Variants in SOAT1 observed in about 807,000 individuals in gnomAD.
SOAT1 encodes sterol O-acyltransferase 1, also known as acyl-coenzyme A:cholesterol acyltransferase 1.
SOAT1 carries 55 observed loss-of-function variants against 69.5 expected under a neutral mutation model. That is an observed-to-expected ratio of 0.79 (90% CI 0.64 to 0.99). The LOEUF (loss-of-function observed/expected upper bound fraction) is 0.99, where lower values mean the gene tolerates loss of function less well. Ranked by LOEUF, SOAT1 falls within the 50% of genes least tolerant of loss-of-function variation. The pLI is 0.00. For missense variants in SOAT1, 580 were observed against 669.3 expected, an observed-to-expected ratio of 0.87 and a Z score of 1.47; for synonymous variants, 231 against 224.7, an observed-to-expected ratio of 1.03 and a Z score of -0.25.
Position 179,342,198 on chromosome 1 carries a change from T to G in SOAT1, c.859+6T>G. ...TTCAGCTAAGGAGAAATCAAGTATG[T>G]AATTTCTTTTGTTCATTATTTCTTC... On this transcript the variant is annotated splice_donor_region_variant and intron_variant, in intron 8 of 15. Coordinates refer to ENST00000367619, the MANE Select transcript of SOAT1 (RefSeq NM_003101.6). 1 of 1,607,664 alleles carries G rather than the reference T, an allele frequency of 6.2e-7. No individual in the cohort carries two copies. The highest frequency in any genetic ancestry group is 8.5e-7 in the Non-Finnish European group (1 of 1,175,156).
chr1:179,297,942 C>T (rs373888332), intron 1 of SOAT1, among the ~76,000 whole-genome samples: 54 of 148,388 alleles, frequency 3.6e-4, no homozygotes, highest in African/African-American at 1.3e-3. Flanking sequence ...GCGGAGGTTG[C>T]GGTGAGCTGA....
chr1:179,327,551 G>A (rs547601033), intron 3 of SOAT1, among the ~76,000 whole-genome samples: 2 of 152,280 alleles, frequency 1.3e-5, no homozygotes, highest in East Asian at 1.9e-4. Flanking sequence ...AATACAGTAC[G>A]TCCAGTCGAA....
In SOAT1 at chr1:179,302,816, T is replaced by A. The variant is rs779392433; in HGVS notation, c.118+14T>A. The A allele has an allele frequency of 6.7e-7, 1 of 1,482,612 alleles. No homozygotes were observed. The highest frequency in any genetic ancestry group is 1.4e-5 in the African/African-American group (1 of 70,470). The allele number at this position is 1,482,612 out of a possible 1,614,324, so 91.8% of individuals were successfully genotyped here. A position where few individuals can be genotyped will look rare whatever the true frequency, so the allele number is the denominator to read the frequency against. On this transcript the variant is annotated intron_variant, in intron 2 of 15. Coordinates refer to ENST00000367619, the MANE Select transcript of SOAT1 (RefSeq NM_003101.6). ...CACCTAGTAATGGTGAGGCTTAATT[T>A]TTTTTTTTTAGGTGAATTAGTGAAA...
intron 9 of SOAT1, 104 bp from the exon 10 acceptor site, chr1:179,343,486 G>T: frequency 1.1e-6 from 1 of 900,370 alleles, no homozygotes. Flanking sequence ...TTGGATTACA[G>T]GTGTGAGCCA....
At chr1:179,340,344 T>C (rs1666291121) in intron 6 of SOAT1, among the ~76,000 whole-genome samples, 1 of 152,062 alleles carries the variant, frequency 6.6e-6, no homozygotes, top group African/African-American at 2.4e-5. Context: ...TAGCTGGGCG[T>C]GGTGGCAGAC....
At chr1:179,308,181 A>G (rs1275001517) in intron 2 of SOAT1, among the ~76,000 whole-genome samples, 1 of 152,186 alleles carries the variant, frequency 6.6e-6, no homozygotes, top group Non-Finnish European at 1.5e-5. Flanking sequence ...ATATCAACTG[A>G]GAATTATAAT....
chr1:179,308,522 A>G (rs1263588913), intron 2 of SOAT1, among the ~76,000 whole-genome samples: 1 of 151,950 alleles, frequency 6.6e-6, no homozygotes, highest in Admixed American at 6.6e-5. Flanking sequence ...AAATACAAAA[A>G]TCAGCTGGGC....
intron 2 of SOAT1, among the ~76,000 whole-genome samples, chr1:179,306,219 G>C (rs764347138): frequency 6.6e-6 from 1 of 152,124 alleles, no homozygotes; most frequent in Non-Finnish European, 1.5e-5. Flanking sequence ...AGAAGATAAG[G>C]CTCCAACAGC....
intron 13 of SOAT1, among the ~76,000 whole-genome samples, chr1:179,349,184 T>TA (rs1391990464): frequency 6.6e-6 from 1 of 152,168 alleles, no homozygotes; most frequent in Non-Finnish European, 1.5e-5. Flanking sequence ...AATTTTATCT[T>TA]ACATAACAAA....
At chr1:179,339,980 T>G (rs1666279473) in intron 6 of SOAT1, among the ~76,000 whole-genome samples, 1 of 152,160 alleles carries the variant, frequency 6.6e-6, no homozygotes, top group Non-Finnish European at 1.5e-5. Context: ...GAATGGCAGA[T>G]TTTTCATATC....
At chr1:179,351,266 A>G in intron 14 of SOAT1, 51 bp from the exon 15 acceptor site, 1 of 1,558,658 alleles carries the variant, frequency 6.4e-7, no homozygotes, top group Non-Finnish European at 8.8e-7. Flanking sequence ...CTGGTCTCGA[A>G]CTTCTGACCT....
rs756325808 is a variant in SOAT1, at chr1:179,323,315, T to C, written c.119-122T>C. 10 of 702,640 alleles carry C rather than the reference T, an allele frequency of 1.4e-5. No individual in the cohort carries two copies. The East Asian group carries it at 1.9e-4, about 14-fold the overall frequency. 43.5% of individuals were successfully genotyped at this position (702,640 alleles called of 1,614,324 possible). On this transcript the variant is annotated intron_variant, in intron 2 of 15. Transcript: ENST00000367619. The stretch of plus-strand genomic sequence containing the variant: ...ATTTTGACCATGCTGTCGTGTTTTA[T>C]GGTTGCACCACAGTTTACGCAGTTA...
intron 11 of SOAT1, among the ~76,000 whole-genome samples, chr1:179,347,096 C>T (rs981956419): frequency 5.9e-5 from 9 of 152,182 alleles, no homozygotes; most frequent in South Asian, 2.1e-4. Context: ...CGATGGCTCA[C>T]GCCTGTAATC....
At chr1:179,348,743 G>C in intron 12 of SOAT1, 101 bp from the exon 13 acceptor site, 1 of 686,442 alleles carries the variant, frequency 1.5e-6, no homozygotes. Context: ...AGTCAGGGGG[G>C]TTTGCTTTCG....
chr1:179,311,674 CTAAG>C (rs1267646563), intron 2 of SOAT1, among the ~76,000 whole-genome samples: 2 of 152,038 alleles, frequency 1.3e-5, no homozygotes, highest in Non-Finnish European at 2.9e-5. Flanking sequence ...TATTCTCAAC[CTAAG>C]TAATAAATTG....
chr1:179,337,392 A>C (rs1469367130), intron 4 of SOAT1, among the ~76,000 whole-genome samples: 1 of 152,212 alleles, frequency 6.6e-6, no homozygotes, highest in Admixed American at 6.5e-5. Context: ...GCAGTTTCAG[A>C]GGACAGATCA....
Position 179,348,958 on chromosome 1 carries a change from T to G in SOAT1, c.1314+16T>G. 1 of 1,267,998 alleles carries G rather than the reference T, an allele frequency of 7.9e-7. No homozygotes were observed. Among genetic ancestry groups the G allele is most frequent in the East Asian group, 2.3e-5 (1 of 43,372 alleles). The allele number at this position is 1,267,998 out of a possible 1,614,324, so 78.5% of individuals were successfully genotyped here. ...CTTTCTCTGGGTAAGTAGCAAGGTTTAAGTTGATATTATTTATGAAATGGA... is the reference window on the plus strand; with the variant it reads ...CTTTCTCTGGGTAAGTAGCAAGGTTGAAGTTGATATTATTTATGAAATGGA... On this transcript the variant is annotated intron_variant, in intron 13 of 15. Coordinates refer to ENST00000367619, the MANE Select transcript of SOAT1 (RefSeq NM_003101.6).
intron 3 of SOAT1, among the ~76,000 whole-genome samples, chr1:179,324,594 T>C (rs796294612): frequency 5.9e-5 from 9 of 152,302 alleles, no homozygotes; most frequent in African/African-American, 2.2e-4. Context: ...TAAACTTTAT[T>C]TTTCCTGATT....
At chr1:179,307,693 C>G (rs1374760633) in intron 2 of SOAT1, among the ~76,000 whole-genome samples, 1 of 152,076 alleles carries the variant, frequency 6.6e-6, no homozygotes, top group Admixed American at 6.6e-5. Context: ...ACAAATCTTA[C>G]AGCTTGTCAG....
Sources: allele counts gnomAD v4.1 joint callset (sites outside exome capture counted in the v4.1 genomes callset), GRCh38; gene constraint gnomAD v4.1.1; transcripts MANE v1.5; gene names NCBI Gene and HGNC (gene_info 2026-07-23, HGNC 2026-07-21).